The following NBEA variants were observed in gnomAD, a reference collection of about 807,000 sequenced individuals.
NBEA encodes the protein neurobeachin, also known as lysosomal-trafficking regulator 2.
Under a neutral mutation model 343.4 loss-of-function variants are expected in NBEA, and 44 were observed. The ratio of observed to expected loss-of-function variants is 0.13; its 90% CI spans 0.10 to 0.16. The LOEUF (loss-of-function observed/expected upper bound fraction) is 0.16. Ranked by LOEUF, NBEA falls within the 10% of genes least tolerant of loss-of-function variation. NBEA has a pLI of 1.00. For missense variants in NBEA, 2,555 were observed against 3,631.3 expected (o/e 0.70, Z 7.62); for synonymous variants, 1,175 against 1,238.7 (o/e 0.95, Z 1.08).
At chr13:35,408,835 A>C (rs558831052) in intron 38 of NBEA, among the ~76,000 whole-genome samples, 2 of 152,338 alleles carry the variant, frequency 1.3e-5, no homozygotes, top group South Asian at 4.1e-4. Context: ...GCTATAATTA[A>C]AAAGTCAAAA....
At chr13:35,479,455 G>C (rs944995066) in intron 41 of NBEA, among the ~76,000 whole-genome samples, 1 of 152,108 alleles carries the variant, frequency 6.6e-6, no homozygotes, top group African/African-American at 2.4e-5. Flanking sequence ...TAAGCTATTC[G>C]GAGAAGCGTG....
chr13:35,608,797 C>A (rs1164563226), intron 48 of NBEA, among the ~76,000 whole-genome samples: 1 of 150,630 alleles, frequency 6.6e-6, no homozygotes, highest in Non-Finnish European at 1.5e-5. Flanking sequence ...GTGCCTCTTA[C>A]CTGTCAGGCA....
At chr13:34,979,588 A>AT (rs2060290195) in intron 1 of NBEA, among the ~76,000 whole-genome samples, 1 of 152,062 alleles carries the variant, frequency 6.6e-6, no homozygotes, top group South Asian at 2.1e-4. Flanking sequence ...CAATTTGTAA[A>AT]TTTTTTAAAA....
chr13:35,241,982 C>T (rs1172678894), intron 34 of NBEA, among the ~76,000 whole-genome samples: 6 of 151,678 alleles, frequency 4.0e-5, no homozygotes, highest in South Asian at 2.1e-4. Context: ...TTTAAAAGCC[C>T]GAATTTTAAC....
intron 1 of NBEA, among the ~76,000 whole-genome samples, chr13:34,969,168 C>G (rs1325796550): frequency 1.3e-5 from 2 of 151,742 alleles, no homozygotes; most frequent in Non-Finnish European, 2.9e-5. Flanking sequence ...GAATTAGAGC[C>G]TTGGGTTGGA....
intron 18 of NBEA, among the ~76,000 whole-genome samples, chr13:35,149,053 A>G (rs966531077): frequency 1.1e-4 from 17 of 152,078 alleles, no homozygotes; most frequent in African/African-American, 3.6e-4. Flanking sequence ...GACTGCTCTG[A>G]ATTGTTTGTT....
At chr13:35,331,972 C>T (rs2038953937) in intron 36 of NBEA, among the ~76,000 whole-genome samples, 1 of 151,866 alleles carries the variant, frequency 6.6e-6, no homozygotes, top group Admixed American at 6.6e-5. Flanking sequence ...ATGTACTGTA[C>T]AGTTTTATAG....
At chr13:35,393,540 C>A (rs2042603409) in intron 38 of NBEA, among the ~76,000 whole-genome samples, 2 of 151,948 alleles carry the variant, frequency 1.3e-5, no homozygotes, top group Non-Finnish European at 1.5e-5. Flanking sequence ...AGAAAATTTT[C>A]TGATTATTTT....
Position 35,109,966 on chromosome 13 carries a change from T to G in NBEA, c.1833+524T>G, listed in dbSNP as rs142578974. Among the ~76,000 whole-genome samples the G allele has an allele frequency of 4.6e-3, 691 of 151,610 alleles. 6 individuals are homozygous for G. Among genetic ancestry groups the G allele is most frequent in the African/African-American group, 0.016 (667 of 41,416 alleles). Reference sequence around the variant, plus strand: ...GATATTTTGATTTTGAGCTATCTTTTATAGTTTAAAAATATCTCACCGAGT... The same window carrying G: ...GATATTTTGATTTTGAGCTATCTTTGATAGTTTAAAAATATCTCACCGAGT... On this transcript the variant is annotated intron_variant, in intron 12 of 58. Transcript: ENST00000379939.
chr13:35,281,957 G>T (rs995909999), intron 34 of NBEA, among the ~76,000 whole-genome samples: 1 of 151,910 alleles, frequency 6.6e-6, no homozygotes, highest in Non-Finnish European at 1.5e-5. Context: ...CTGTCACCCA[G>T]GCTGGAGTGC....
intron 40 of NBEA, among the ~76,000 whole-genome samples, chr13:35,454,365 A>G (rs2046453029): frequency 1.3e-5 from 2 of 152,376 alleles, no homozygotes; most frequent in South Asian, 2.1e-4. Context: ...GAAATCAGCT[A>G]TTGGTTAAAG....
chr13:35,161,821 A>C lies in NBEA; in HGVS notation c.3933A>C (p.Pro1311=). The change falls in exon 23 of 59, where the codon CCA becomes CCC. Residue 1311 remains proline (P), a synonymous_variant. Coordinates refer to ENST00000379939, the MANE Select transcript of NBEA (RefSeq NM_001385012.1). The part of the protein sequence containing the change: ...LRVDLGFRGM[P]MTEEQRRQFS... ...TTGATTTAGGATTTCGAGGAATGCC[A>C]ATGACTGAGGAACAGCGACGCCAGT... 1.2e-6 allele frequency: 2 copies of C among 1,612,418 alleles called. No individual in the cohort carries two copies. The highest frequency in any genetic ancestry group is 1.7e-6 in the Non-Finnish European group (2 of 1,179,300).
intron 30 of NBEA, among the ~76,000 whole-genome samples, chr13:35,192,790 A>G (rs550971874): frequency 2.0e-4 from 31 of 152,058 alleles, no homozygotes; most frequent in African/African-American, 7.0e-4. Flanking sequence ...GTGAACACCA[A>G]ATCAGATTTT....
chr13:35,655,773 C>T (rs771062689), intron 55 of NBEA, 24 bp downstream of exon 55: 103 of 1,590,348 alleles, frequency 6.5e-5, no homozygotes, highest in Admixed American at 3.5e-4. Context: ...TCAAATTTGT[C>T]CTATCAAACT....
In NBEA at chr13:35,668,529, G is replaced by A. The variant is rs191581636; in HGVS notation, c.8813+10G>A. On this transcript the variant is annotated intron_variant, in intron 58 of 58. Transcript: ENST00000379939. ...TGTCCCATGACCAGAGGTGAGCTGCGTCAAGGACAAGTATCATCACTGAGA... is the reference window on the plus strand; with the variant it reads ...TGTCCCATGACCAGAGGTGAGCTGCATCAAGGACAAGTATCATCACTGAGA... The A allele has an allele frequency of 1.7e-5, 27 of 1,579,606 alleles. No individual in the cohort carries two copies. Among genetic ancestry groups the A allele is most frequent in the East Asian group, 6.8e-5 (3 of 43,888 alleles).
intron 34 of NBEA, among the ~76,000 whole-genome samples, chr13:35,246,977 G>A (rs200700413): frequency 2.0e-5 from 3 of 152,084 alleles, no homozygotes; most frequent in East Asian, 1.9e-4. Flanking sequence ...GGCTGCAATG[G>A]GGGTGTGTGG....
chr13:35,446,124 T>C (rs1407129063), intron 39 of NBEA, among the ~76,000 whole-genome samples: 2 of 151,982 alleles, frequency 1.3e-5, no homozygotes, highest in African/African-American at 4.8e-5. Flanking sequence ...GCTTCATCCA[T>C]GTCCCTACAA....
intron 38 of NBEA, among the ~76,000 whole-genome samples, chr13:35,402,834 G>A (rs1043467366): frequency 3.3e-5 from 5 of 152,050 alleles, no homozygotes; most frequent in African/African-American, 1.2e-4. Context: ...CACGAAGGCA[G>A]ACTAAATTGT....
intron 41 of NBEA, among the ~76,000 whole-genome samples, chr13:35,548,571 A>G (rs1364584645): frequency 6.6e-6 from 1 of 152,096 alleles, no homozygotes; most frequent in African/African-American, 2.4e-5. Context: ...TTCTGATATT[A>G]TATTCACTTT....
Sources: allele counts gnomAD v4.1 joint callset (sites outside exome capture counted in the v4.1 genomes callset), GRCh38; gene constraint gnomAD v4.1.1; transcripts MANE v1.5; gene names NCBI Gene and HGNC (gene_info 2026-07-23, HGNC 2026-07-21).